ELP3: variants seen among roughly 807,000 people sequenced by gnomAD.
The protein encoded by ELP3 is elongator acetyltransferase complex subunit 3.
In ELP3, 56 loss-of-function variants were observed where a neutral mutation model predicts 74.9. The observed-to-expected ratio is 0.75, with a 90% CI of 0.60 to 0.93. ELP3 has a LOEUF of 0.93. ELP3 is among the 40% of genes least tolerant of loss of function. The probability of loss-of-function intolerance (pLI) is 0.00; values close to 1 mark genes in which losing one functional copy is unlikely to be tolerated. For synonymous variants in ELP3, 222 were observed against 239.8 expected (o/e 0.93, Z 0.68); for missense variants, 573 against 686.5 (o/e 0.83, Z 1.85).
chr8:28,107,369 A>G (rs1811740283), intron 4 of ELP3, among the ~76,000 whole-genome samples: 1 of 152,254 alleles, frequency 6.6e-6, no homozygotes, highest in South Asian at 2.1e-4. Flanking sequence ...AAAACAGCAC[A>G]TTCTGTTAAA....
At chr8:28,144,202 G>A (rs1190191235) in intron 10 of ELP3, among the ~76,000 whole-genome samples, 1 of 152,100 alleles carries the variant, frequency 6.6e-6, no homozygotes, top group Middle Eastern at 3.2e-3. Flanking sequence ...TCACCCAAAC[G>A]AATAGGAGAC....
intron 10 of ELP3, among the ~76,000 whole-genome samples, chr8:28,143,844 T>C (rs1813334785): frequency 1.3e-5 from 2 of 152,192 alleles, no homozygotes; most frequent in African/African-American, 4.8e-5. Flanking sequence ...ACTTCTTAAA[T>C]CCTTTCTGGA....
rs141713695 is a variant in ELP3 at position 28,155,961 on chromosome 8, G to A, written c.1120G>A (p.Val374Ile). Residue 374 changes from valine (V) to isoleucine (I), a missense_variant, in exon 11 of 15, where the codon GTT becomes ATT. Coordinates refer to ENST00000256398, the MANE Select transcript of ELP3 (RefSeq NM_018091.6). The stretch of plus-strand genomic sequence containing the variant: ...GTACAGGGATATTCCAATGCCTTTA[G>A]TTAGCTCAGGAGTAGAGCATGGTAA... ...RVQRDIPMPL[V>I]SSGVEHGNLR... 181 of 1,613,798 alleles carry A rather than the reference G, an allele frequency of 1.1e-4. 1 individual carries two copies. The African/African-American group carries it at 1.7e-3, about 16-fold the overall frequency.
intron 11 of ELP3, among the ~76,000 whole-genome samples, chr8:28,157,800 C>T (rs959367954): frequency 6.6e-6 from 1 of 152,074 alleles, no homozygotes; most frequent in Non-Finnish European, 1.5e-5. Context: ...GCATAGCATG[C>T]ACTGTGGGTT....
chr8:28,167,322 G>A (rs539812121), intron 14 of ELP3, among the ~76,000 whole-genome samples: 15 of 152,236 alleles, frequency 9.9e-5, no homozygotes, highest in African/African-American at 3.6e-4. Flanking sequence ...GGTCTTGTTT[G>A]CCAGAACCAC....
intron 14 of ELP3, among the ~76,000 whole-genome samples, chr8:28,181,245 A>G (rs568480027): frequency 9.9e-5 from 15 of 152,276 alleles, no homozygotes; most frequent in African/African-American, 3.6e-4. Flanking sequence ...TCTGTTCACT[A>G]AGCTTAAATA....
chr8:28,093,522 G>A, intron 1 of ELP3: 1 of 501,478 alleles, frequency 2.0e-6, no homozygotes, highest in Non-Finnish European at 3.5e-6. Context: ...AGTTAACGTC[G>A]ATTTAACGGG....
chr8:28,144,389 C>T (rs1813353959), intron 10 of ELP3, among the ~76,000 whole-genome samples: 1 of 152,152 alleles, frequency 6.6e-6, no homozygotes. Context: ...GCAGGTAGAT[C>T]GCTTGAGCCT....
chr8:28,125,210 G>A (rs1025129858), intron 7 of ELP3, among the ~76,000 whole-genome samples: 4 of 152,212 alleles, frequency 2.6e-5, no homozygotes, highest in Admixed American at 1.3e-4. Flanking sequence ...AAACTCCACT[G>A]ACTTGTTTTG....
intron 3 of ELP3, among the ~76,000 whole-genome samples, chr8:28,102,184 TC>T (rs1258532788): frequency 1.3e-5 from 2 of 152,230 alleles, no homozygotes; most frequent in African/African-American, 4.8e-5. Flanking sequence ...CATGAACCAT[TC>T]CCTGAGCTTC....
chr8:28,130,387 T>A (rs1263685489), intron 8 of ELP3, among the ~76,000 whole-genome samples: 1 of 152,048 alleles, frequency 6.6e-6, no homozygotes, highest in African/African-American at 2.4e-5. Flanking sequence ...GTAGGTGTGA[T>A]TGGTGTTGTG....
intron 4 of ELP3, 87 bp downstream of exon 4, chr8:28,106,870 A>G (rs1417534583): frequency 3.0e-5 from 29 of 961,652 alleles, no homozygotes; most frequent in Non-Finnish European, 4.4e-5. Flanking sequence ...ACATCCTGGT[A>G]ATGTTTAAAA....
intron 14 of ELP3, among the ~76,000 whole-genome samples, chr8:28,168,750 G>C (rs716554): frequency 2.0e-5 from 3 of 152,162 alleles, no homozygotes; most frequent in Non-Finnish European, 4.4e-5. Flanking sequence ...AATGTAACTT[G>C]AATATGAATA....
upstream of ELP3, among the ~76,000 whole-genome samples, chr8:28,091,744 C>G (rs1811060373): frequency 6.6e-6 from 1 of 152,146 alleles, no homozygotes; most frequent in Non-Finnish European, 1.5e-5. Flanking sequence ...AGACAGGTCT[C>G]AGTCTGGAGG....
chr8:28,132,132 T>G, intron 8 of ELP3, 146 bp from the exon 9 acceptor site: 1 of 748,742 alleles, frequency 1.3e-6, no homozygotes, highest in Non-Finnish European at 2.1e-6. Context: ...CCCAGCCATA[T>G]GATTTTGGTT....
chr8:28,138,015 A>G (rs568321910), intron 10 of ELP3, 124 bp downstream of exon 10: 4 of 885,390 alleles, frequency 4.5e-6, no homozygotes, highest in African/African-American at 1.7e-5. Flanking sequence ...GATAACTGGA[A>G]TGCTATCTGT....
intron 7 of ELP3, among the ~76,000 whole-genome samples, chr8:28,116,574 T>C (rs1044200997): frequency 6.6e-6 from 1 of 152,122 alleles, no homozygotes; most frequent in African/African-American, 2.4e-5. Context: ...ACTTCTTCTC[T>C]ACTAAAAATG....
At chr8:28,156,406 A>G (rs1001876731) in intron 11 of ELP3, among the ~76,000 whole-genome samples, 4 of 152,212 alleles carry the variant, frequency 2.6e-5, no homozygotes, top group African/African-American at 9.6e-5. Flanking sequence ...GCATGAAATA[A>G]TTGCCAAAAC....
chr8:28,098,118 C>T (rs1278002113), intron 2 of ELP3, among the ~76,000 whole-genome samples: 1 of 152,164 alleles, frequency 6.6e-6, no homozygotes, highest in African/African-American at 2.4e-5. Flanking sequence ...CTCTTTGACA[C>T]ATTCATCCAC....
Sources: allele counts gnomAD v4.1 joint callset (sites outside exome capture counted in the v4.1 genomes callset), GRCh38; gene constraint gnomAD v4.1.1; transcripts MANE v1.5; gene names NCBI Gene and HGNC (gene_info 2026-07-23, HGNC 2026-07-21).